Variants in RUNX1T1 observed in about 807,000 individuals in gnomAD.
RUNX1T1 encodes protein CBFA2T1.
A neutral mutation model predicts 62.8 loss-of-function variants in RUNX1T1; 4 were observed. The observed-to-expected ratio is 0.06, with a 90% CI of 0.03 to 0.15. The LOEUF (loss-of-function observed/expected upper bound fraction) is 0.15. Ranked by LOEUF, RUNX1T1 falls within the 10% of genes least tolerant of loss-of-function variation. The pLI is 1.00. For synonymous variants in RUNX1T1, 291 were observed against 286.0 expected (o/e 1.02, Z -0.18); for missense variants, 508 against 754.3 (o/e 0.67, Z 3.82).
chr8:91,994,503 T>C, intron 5 of RUNX1T1: 1 of 447,116 alleles, frequency 2.2e-6, no homozygotes, highest in Non-Finnish European at 4.4e-6. Flanking sequence ...GGCATTGTGG[T>C]GTAGTGGAAA....
At chr8:91,996,677 C>T (rs1414192885) in intron 5 of RUNX1T1, among the ~76,000 whole-genome samples, 1 of 152,098 alleles carries the variant, frequency 6.6e-6, no homozygotes. Context: ...ACTTAACTTT[C>T]TGGCTTCAGT....
At chr8:92,091,291 A>G (rs979603470) in intron 1 of RUNX1T1, among the ~76,000 whole-genome samples, 2 of 152,228 alleles carry the variant, frequency 1.3e-5, no homozygotes, top group Non-Finnish European at 2.9e-5. Context: ...ATTACTTTAT[A>G]AAGGTAATCA....
At chr8:92,099,467 A>G (rs934439077) in intron 1 of RUNX1T1, 2 of 191,726 alleles carry the variant, frequency 1.0e-5, no homozygotes, top group Non-Finnish European at 1.9e-5. Context: ...TCTGCTATCA[A>G]TAAAGTCTGT....
In RUNX1T1 at chr8:91,995,193, C is replaced by A. The variant is rs117325966; in HGVS notation, c.660-3304G>T. On this transcript the variant is annotated intron_variant, in intron 5 of 10. Transcript: ENST00000396218. ...TCTCCTTGATCAATGAAGGCAAAAACAACAACACTGGAGTAATTTTAATAA... is the reference window on the plus strand; with the variant it reads ...TCTCCTTGATCAATGAAGGCAAAAAAAACAACACTGGAGTAATTTTAATAA... 1.8e-3 allele frequency among the ~76,000 whole-genome samples: 268 copies of A among 152,288 alleles called. 1 individual carries two copies. The highest frequency in any genetic ancestry group is 2.8e-3 in the Non-Finnish European group (190 of 68,012).
At chr8:92,016,105 C>T (rs1184510805) in intron 2 of RUNX1T1, among the ~76,000 whole-genome samples, 1 of 152,216 alleles carries the variant, frequency 6.6e-6, no homozygotes, top group African/African-American at 2.4e-5. Flanking sequence ...ATATGGATTT[C>T]ATGGCACATG....
At chr8:92,023,247 T>C (rs1022526453) in intron 1 of RUNX1T1, among the ~76,000 whole-genome samples, 4 of 152,336 alleles carry the variant, frequency 2.6e-5, no homozygotes, top group Admixed American at 6.5e-5. Flanking sequence ...TCTACTTTTC[T>C]TATCTATGAA....
chr8:91,995,251 A>T (rs900688922), intron 5 of RUNX1T1, among the ~76,000 whole-genome samples: 2 of 152,180 alleles, frequency 1.3e-5, no homozygotes, highest in Non-Finnish European at 2.9e-5. Context: ...ATTTATCTTC[A>T]TCCTTAGATA....
At chr8:91,971,414 C>T (rs767245173) in intron 9 of RUNX1T1, among the ~76,000 whole-genome samples, 13 of 151,812 alleles carry the variant, frequency 8.6e-5, no homozygotes, top group Non-Finnish European at 1.5e-4. Context: ...AAAGAGAGGC[C>T]GAGAATGGAT....
chr8:92,060,545 ATATATATATGTGTG>A (rs1309894863), intron 1 of RUNX1T1, among the ~76,000 whole-genome samples: 23 of 103,760 alleles, frequency 2.2e-4, no homozygotes, highest in African/African-American at 7.2e-4. Context: ...ATATATATAT[ATATATATATGTGTG>A]TGTGTGTGTG....
chr8:91,969,362 A>T (rs958746233), intron 10 of RUNX1T1, among the ~76,000 whole-genome samples: 7 of 152,188 alleles, frequency 4.6e-5, no homozygotes, highest in Non-Finnish European at 1.0e-4. Context: ...AACATACCTA[A>T]CAGCCCTAAA....
At chr8:92,101,371 T>A (rs1838027015), upstream of RUNX1T1, among the ~76,000 whole-genome samples, 1 of 152,172 alleles carries the variant, frequency 6.6e-6, no homozygotes, top group African/African-American at 2.4e-5. Context: ...ACATGAAGTT[T>A]GTCTGGAGTG....
chr8:92,031,679 A>G (rs945621418), intron 1 of RUNX1T1, among the ~76,000 whole-genome samples: 3 of 152,134 alleles, frequency 2.0e-5, no homozygotes, highest in African/African-American at 7.2e-5. Flanking sequence ...TACGTTGCCC[A>G]GGCTGCTCTC....
At chr8:91,975,868 C>T in intron 9 of RUNX1T1, 37 bp downstream of exon 10, 1 of 1,405,682 alleles carries the variant, frequency 7.1e-7, no homozygotes, top group Non-Finnish European at 1.0e-6. Flanking sequence ...CACACAGCTG[C>T]CAGAACACGA....
chr8:92,030,292 A>G (rs537695617), intron 1 of RUNX1T1, among the ~76,000 whole-genome samples: 89 of 152,272 alleles, frequency 5.8e-4, no homozygotes, highest in Non-Finnish European at 1.2e-3. Context: ...TATTTGTCTA[A>G]CACCTCCTGC....
intron 1 of RUNX1T1, among the ~76,000 whole-genome samples, chr8:92,088,076 T>C (rs1836404072): frequency 6.6e-6 from 1 of 152,178 alleles, no homozygotes; most frequent in African/African-American, 2.4e-5. Context: ...AACCGGAGAA[T>C]GAAAATGTGT....
At chr8:92,055,571 G>A (rs929883453) in intron 1 of RUNX1T1, among the ~76,000 whole-genome samples, 3 of 152,084 alleles carry the variant, frequency 2.0e-5, no homozygotes, top group Admixed American at 1.3e-4. Flanking sequence ...CCTCCAGAGC[G>A]GCTAGGACTA....
chr8:92,011,032 T>A, exon 4 of RUNX1T1: 2 of 1,609,394 alleles, frequency 1.2e-6, no homozygotes, highest in Non-Finnish European at 1.7e-6. Flanking sequence ...AAGGTCTCAG[T>A]GGGAAGTTAG....
intron 1 of RUNX1T1, among the ~76,000 whole-genome samples, chr8:92,029,319 T>G (rs1439944123): frequency 6.6e-6 from 1 of 152,080 alleles, no homozygotes; most frequent in Non-Finnish European, 1.5e-5. Flanking sequence ...AGGATAAAAG[T>G]GGCAACAGGG....
intron 1 of RUNX1T1, among the ~76,000 whole-genome samples, chr8:92,036,265 C>T (rs941651115): frequency 2.6e-5 from 4 of 152,176 alleles, no homozygotes; most frequent in African/African-American, 9.7e-5. Flanking sequence ...TTCAGAAACA[C>T]AACCTTCTTG....
Sources: allele counts gnomAD v4.1 joint callset (sites outside exome capture counted in the v4.1 genomes callset), GRCh38; gene constraint gnomAD v4.1.1; transcripts MANE v1.5; gene names NCBI Gene and HGNC (gene_info 2026-07-23, HGNC 2026-07-21).